NXPE2: variants seen among roughly 807,000 people sequenced by gnomAD.
The protein encoded by NXPE2 is NXPE family member 2.
A neutral mutation model predicts 34.4 loss-of-function variants in NXPE2; 34 were observed. The observed-to-expected ratio is 0.99, with a 90% CI of 0.75 to 1.31. The LOEUF (loss-of-function observed/expected upper bound fraction) is 1.31, where lower values mean the gene tolerates loss of function less well. Among genes scored for constraint, NXPE2 ranks in the 40% most tolerant of loss-of-function variants. NXPE2 has a pLI of 0.00. For synonymous variants in NXPE2, 235 were observed against 231.3 expected (o/e 1.02, Z -0.15); for missense variants, 649 against 672.5 (o/e 0.97, Z 0.39).
upstream of NXPE2, among the ~76,000 whole-genome samples, chr11:114,673,722 C>A (rs1757996226): frequency 6.6e-6 from 1 of 151,786 alleles, no homozygotes; most frequent in Non-Finnish European, 1.5e-5. Flanking sequence ...TTGAGTCATG[C>A]AATACTGCTT....
At chr11:114,565,451 A>G in the NXPE2 span, among the ~76,000 whole-genome samples, 1 of 152,246 alleles carries the variant, frequency 6.6e-6, no homozygotes, top group Non-Finnish European at 1.5e-5. Context: ...TGCTGCGAAC[A>G]AGGCACCTAG....
the NXPE2 span, among the ~76,000 whole-genome samples, chr11:114,628,378 A>T: frequency 1.3e-5 from 2 of 152,182 alleles, no homozygotes; most frequent in African/African-American, 2.4e-5. Flanking sequence ...ACTCAAAACC[A>T]CTGAACTACA....
the NXPE2 span, among the ~76,000 whole-genome samples, chr11:114,567,030 T>C: frequency 6.6e-6 from 1 of 152,186 alleles, no homozygotes; most frequent in African/African-American, 2.4e-5. Context: ...GGGAGGGGCA[T>C]TGCAGAAAGA....
the NXPE2 span, among the ~76,000 whole-genome samples, chr11:114,593,613 G>A: frequency 6.6e-6 from 1 of 152,046 alleles, no homozygotes; most frequent in South Asian, 2.1e-4. Flanking sequence ...AGAACAGTTT[G>A]GAGGTTTCTC....
chr11:114,748,565 T>C, the NXPE2 span, among the ~76,000 whole-genome samples: 1 of 152,324 alleles, frequency 6.6e-6, no homozygotes, highest in Non-Finnish European at 1.5e-5. Context: ...TACAGACCAG[T>C]TACTTTTTAC....
At chr11:114,692,647 T>C (rs1433729881) in intron 2 of NXPE2, among the ~76,000 whole-genome samples, 2 of 152,236 alleles carry the variant, frequency 1.3e-5, no homozygotes, top group Non-Finnish European at 1.5e-5. Context: ...CTTGCATCCA[T>C]GAGCCTCTCA....
the NXPE2 span, among the ~76,000 whole-genome samples, chr11:114,764,691 C>T: frequency 6.6e-6 from 1 of 152,158 alleles, no homozygotes; most frequent in African/African-American, 2.4e-5. Context: ...CCCAATCCCT[C>T]CCTTCTATAC....
At chr11:114,651,410 G>A in the NXPE2 span, among the ~76,000 whole-genome samples, 3 of 152,144 alleles carry the variant, frequency 2.0e-5, no homozygotes, top group Non-Finnish European at 2.9e-5. Context: ...CAGGAGTGAA[G>A]CTGCAAACGT....
At chr11:114,626,795 T>A in the NXPE2 span, among the ~76,000 whole-genome samples, 9 of 151,908 alleles carry the variant, frequency 5.9e-5, no homozygotes, top group African/African-American at 1.7e-4. Flanking sequence ...AATGTATAAC[T>A]AGAATAACCA....
chr11:114,712,405 A>G, the NXPE2 span, among the ~76,000 whole-genome samples: 1 of 152,268 alleles, frequency 6.6e-6, no homozygotes, highest in East Asian at 1.9e-4. Context: ...CTGATAAGGT[A>G]TTAATATCCA....
At chr11:114,755,090 A>C in the NXPE2 span, among the ~76,000 whole-genome samples, 3 of 152,180 alleles carry the variant, frequency 2.0e-5, no homozygotes, top group African/African-American at 7.2e-5. Flanking sequence ...GGTTCAGGGG[A>C]AAATGCAAGG....
the NXPE2 span, among the ~76,000 whole-genome samples, chr11:114,532,068 C>T: frequency 2.6e-5 from 4 of 152,174 alleles, no homozygotes; most frequent in Non-Finnish European, 5.9e-5. Context: ...CAGTAGTTGT[C>T]ATCCCCTCTC....
the NXPE2 span, chr11:114,528,835 G>C: frequency 1.5e-6 from 1 of 676,984 alleles, no homozygotes; most frequent in Non-Finnish European, 2.7e-6. Context: ...GTGCCATCCT[G>C]AGAAGAGAAA....
intron 2 of NXPE2, among the ~76,000 whole-genome samples, chr11:114,696,451 T>C (rs1951259213): frequency 6.6e-6 from 1 of 150,616 alleles, no homozygotes; most frequent in South Asian, 2.1e-4. Context: ...AAAATAGATA[T>C]ACCATGCAAA....
intron 2 of NXPE2, among the ~76,000 whole-genome samples, chr11:114,680,996 T>C (rs1233757095): frequency 3.9e-5 from 6 of 152,134 alleles, no homozygotes; most frequent in African/African-American, 2.4e-5. Flanking sequence ...TTCTCTACTT[T>C]TATCTCTCCA....
At chr11:114,652,641 G>A in the NXPE2 span, among the ~76,000 whole-genome samples, 1 of 152,196 alleles carries the variant, frequency 6.6e-6, no homozygotes, top group African/African-American at 2.4e-5. Context: ...ATAAAGTCTT[G>A]AAATCATTCT....
Position 114,699,824 on chromosome 11 carries a change from C to T in NXPE2, c.866+1046C>T, listed in dbSNP as rs149447711. On this transcript the variant is annotated intron_variant, in intron 3 of 5. Coordinates refer to ENST00000389586, the MANE Select transcript of NXPE2 (RefSeq NM_182495.6). ...TTTTTTTTTTTTTGAGACCGAGTCT[C>T]GCTCTGTCACCCAGGCTGGAGTGCA... is the stretch of plus-strand genomic sequence containing the variant. Among the ~76,000 whole-genome samples, 773 of 149,452 alleles carry T rather than the reference C, an allele frequency of 5.2e-3. 14 individuals are homozygous for T. Among genetic ancestry groups the T allele is most frequent in the African/African-American group, 0.018 (715 of 40,414 alleles).
At chr11:114,538,010 G>A in the NXPE2 span, among the ~76,000 whole-genome samples, 147 of 152,172 alleles carry the variant, frequency 9.7e-4, no homozygotes, top group African/African-American at 3.2e-3. Context: ...GAGGCATCCC[G>A]CTACCTGACT....
the NXPE2 span, among the ~76,000 whole-genome samples, chr11:114,725,236 A>C: frequency 6.6e-5 from 10 of 152,150 alleles, no homozygotes; most frequent in African/African-American, 1.9e-4. Context: ...AGCACGTATC[A>C]GTATCACAAG....
Sources: allele counts gnomAD v4.1 joint callset (sites outside exome capture counted in the v4.1 genomes callset), GRCh38; gene constraint gnomAD v4.1.1; transcripts MANE v1.5; gene names NCBI Gene and HGNC (gene_info 2026-07-23, HGNC 2026-07-21).